The following CCDC97 variants were observed in gnomAD, a reference collection of about 807,000 sequenced individuals.
CCDC97 encodes coiled-coil domain-containing protein 97.
CCDC97 carries 27 observed loss-of-function variants against 33.9 expected under a neutral mutation model. The observed-to-expected ratio is 0.80, with a 90% confidence interval of 0.59 to 1.10. CCDC97 has a LOEUF of 1.10. Among genes scored for constraint, CCDC97 ranks in the 50% least tolerant of loss-of-function variants. The pLI is 0.00. For synonymous variants in CCDC97, 217 were observed against 194.0 expected, an observed-to-expected ratio of 1.12 and a Z score of -0.99; for missense variants, 422 against 476.6, an observed-to-expected ratio of 0.89 and a Z score of 1.07.
rs376499375 is a variant in CCDC97 at position 41,316,795 on chromosome 19, G to A, written c.458G>A (p.Arg153His). ...GCCCGGCCCCGCACCCTGCGTACCC[G>A]CCTGCGTAACCGGCGCTATGCTGCC... Reference protein sequence around the residue: ...GTARPRTLRTRLRNRRYAALR... With the variant: ...GTARPRTLRTHLRNRRYAALR... Residue 153 changes from arginine to histidine, a missense_variant, in exon 2 of 5, where the codon CGC becomes CAC. Coordinates refer to ENST00000269967, the MANE Select transcript of CCDC97 (RefSeq NM_052848.3). 111 of 1,601,280 alleles carry A rather than the reference G, an allele frequency of 6.9e-5. No individual in the cohort carries two copies. The highest frequency in any genetic ancestry group is 5.0e-4 in the Middle Eastern group (3 of 6,046).
chr19:41,310,342 A>C lies in CCDC97; in HGVS notation c.32A>C (p.Lys11Thr), dbSNP rs1203465424. The C allele has an allele frequency of 6.2e-7, 1 of 1,606,728 alleles. No individual in the cohort carries two copies. The highest frequency in any genetic ancestry group is 8.5e-7 in the Non-Finnish European group (1 of 1,177,136). The change falls in exon 1 of 5, where the codon AAG becomes ACG. Residue 11 changes from lysine (K) to threonine (T), a missense_variant. Transcript: ENST00000269967. ...GCCGTGGCGACGGCGACGGCGGCGA[A>C]GGAACCCGATAAGGGTGAGATCTTG... MEAVATATAA[K>T]EPDKGCIEPG...
intron 1 of CCDC97, among the ~76,000 whole-genome samples, chr19:41,313,769 G>A (rs923707570): frequency 3.3e-5 from 5 of 151,844 alleles, no homozygotes; most frequent in Non-Finnish European, 4.4e-5. Flanking sequence ...GGCTGATCTC[G>A]GCTCACTGCA....
intron 1 of CCDC97, among the ~76,000 whole-genome samples, chr19:41,314,996 T>A (rs1043563861): frequency 5.5e-5 from 8 of 146,360 alleles, no homozygotes; most frequent in Non-Finnish European, 9.1e-5. Context: ...TTTTTTTTTT[T>A]AATTTAAAGA....
At chr19:41,319,553 C>T (rs2037791902) in intron 2 of CCDC97, 21 bp from the exon 3 acceptor site, 1 of 1,555,638 alleles carries the variant, frequency 6.4e-7, no homozygotes, top group African/African-American at 1.4e-5. Context: ...CCCATGCCCA[C>T]CCTGTCTCTC....
rs144892042 is a variant in CCDC97, at chr19:41,313,350, A to C, written c.46+2994A>C. ...GGAGTCTGGAGGCCCGTGTAGCAGCAGTCGGACCATTCCCCTGGATGCCTC... is the reference window on the plus strand; with the variant it reads ...GGAGTCTGGAGGCCCGTGTAGCAGCCGTCGGACCATTCCCCTGGATGCCTC... On this transcript the variant is annotated intron_variant, in intron 1 of 4. Coordinates refer to ENST00000269967, the MANE Select transcript of CCDC97 (RefSeq NM_052848.3). Among the ~76,000 whole-genome samples the C allele has an allele frequency of 2.9e-3, 447 of 152,228 alleles. 1 individual carries two copies. The highest frequency in any genetic ancestry group is 0.01 in the African/African-American group (430 of 41,534).
rs538176442 is a variant in CCDC97 at position 41,324,751 on chromosome 19, C to T, written c.*2036C>T. 1 of 152,280 alleles carries T rather than the reference C, an allele frequency of 6.6e-6. No homozygotes were observed. Among genetic ancestry groups the T allele is most frequent in the South Asian group, 2.1e-4 (1 of 4,830 alleles). The allele number at this position is 152,280 out of a possible 1,614,324, so 9.4% of individuals were successfully genotyped here. On this transcript the variant is annotated 3_prime_UTR_variant, in exon 5 of 5. Coordinates refer to ENST00000269967, the MANE Select transcript of CCDC97 (RefSeq NM_052848.3). ...ATGAGAGCTGTCTGTCTCTTACCTG[C>T]CTGTATTTGTGCCCCATTTTTAAAG...
intron 2 of CCDC97, 149 bp downstream of exon 2, chr19:41,316,988 A>G: frequency 1.5e-6 from 1 of 654,232 alleles, no homozygotes; most frequent in Non-Finnish European, 2.6e-6. Flanking sequence ...GAAGAGACTG[A>G]GACAGAAATG....
chr19:41,316,508 G>C lies in CCDC97; in HGVS notation c.171G>C (p.Gly57=). 1 of 1,614,232 alleles carries C rather than the reference G, an allele frequency of 6.2e-7. No individual in the cohort carries two copies. The highest frequency in any genetic ancestry group is 8.5e-7 in the Non-Finnish European group (1 of 1,180,044). The change falls in exon 2 of 5, where the codon GGG becomes GGC. Residue 57 remains glycine (G), a synonymous_variant. Transcript: ENST00000269967. ...TPVALDSDTS[G]AENAAVSAML... ...TGGCCCTGGACAGTGACACCTCCGG[G>C]GCTGAAAATGCAGCAGTGAGTGCTA...
chr19:41,316,991 CAG>C (rs1295173215), intron 2 of CCDC97, 152 bp downstream of exon 2: 1 of 645,454 alleles, frequency 1.5e-6, no homozygotes, highest in Admixed American at 3.0e-5. Context: ...GAGACTGAGA[CAG>C]AAATGTAAAG....
intron 1 of CCDC97, among the ~76,000 whole-genome samples, chr19:41,314,145 GTT>G (rs938561916): frequency 6.7e-6 from 1 of 148,450 alleles, no homozygotes; most frequent in African/African-American, 2.5e-5. Context: ...GAGATTTAGT[GTT>G]TTTTTTTCTT....
At chr19:41,310,940 T>G in intron 1 of CCDC97, 19 of 913,242 alleles carry the variant, frequency 2.1e-5, no homozygotes, top group Non-Finnish European at 2.4e-5. Flanking sequence ...GAGGTGTGAT[T>G]GGAAGCGTGG....
At chr19:41,322,498 G>A (rs940651080) in intron 4 of CCDC97, 97 bp from the exon 5 acceptor site, 39 of 1,376,320 alleles carry the variant, frequency 2.8e-5, no homozygotes, top group East Asian at 4.7e-5. Context: ...ACGGCTGCCA[G>A]CACATGGCCT....
chr19:41,321,465 T>C (rs1197170938), intron 4 of CCDC97, among the ~76,000 whole-genome samples: 2 of 152,232 alleles, frequency 1.3e-5, no homozygotes, highest in Non-Finnish European at 2.9e-5. Flanking sequence ...CATCCGTGCA[T>C]TCAGTTGGCA....
chr19:41,321,925 C>T (rs1038927047), intron 4 of CCDC97, among the ~76,000 whole-genome samples: 1 of 152,232 alleles, frequency 6.6e-6, no homozygotes, highest in Admixed American at 6.5e-5. Flanking sequence ...CTGGCTAATC[C>T]CGGCCTCTAT....
At chr19:41,312,194 G>A (rs576305053) in intron 1 of CCDC97, among the ~76,000 whole-genome samples, 3 of 151,958 alleles carry the variant, frequency 2.0e-5, no homozygotes, top group African/African-American at 7.3e-5. Flanking sequence ...AGTGATTCCC[G>A]TGCCTCAGCC....
In CCDC97 at chr19:41,323,233, TGCGCTGTGTCTCACACTCAGA is replaced by T. The variant is rs1249518936; in HGVS notation, c.*521_*541del. On this transcript the variant is annotated 3_prime_UTR_variant, in exon 5 of 5. Transcript: ENST00000269967. ...CTGTCTCCCCCTCTCTGTTTATGTCTGCGCTGTGTCTCACACTCAGAGCCTCCTTGCTTCTGTTAGGTTCCC... is the reference window on the plus strand; with the variant it reads ...CTGTCTCCCCCTCTCTGTTTATGTCTGCCTCCTTGCTTCTGTTAGGTTCCC... The T allele has an allele frequency of 6.4e-6, 1 of 156,542 alleles. No individual in the cohort carries two copies. Among genetic ancestry groups the T allele is most frequent in the African/African-American group, 2.4e-5 (1 of 41,480 alleles). The allele number at this position is 156,542 out of a possible 1,614,324, so 9.7% of individuals were successfully genotyped here. A position where few individuals can be genotyped will look rare whatever the true frequency, so the allele number is the denominator to read the frequency against.
chr19:41,320,306 C>T (rs1205734963), intron 3 of CCDC97, 35 bp from the exon 4 acceptor site: 1 of 1,611,866 alleles, frequency 6.2e-7, no homozygotes, highest in Non-Finnish European at 8.5e-7. Flanking sequence ...CCCGAGTGCA[C>T]CCGCATTCAC....
chr19:41,311,537 A>C (rs2037684538), intron 1 of CCDC97, among the ~76,000 whole-genome samples: 1 of 152,162 alleles, frequency 6.6e-6, no homozygotes, highest in Non-Finnish European at 1.5e-5. Flanking sequence ...GTTGGAGACC[A>C]GCCTAGCCAA....
chr19:41,318,970 G>A (rs1599875279), intron 2 of CCDC97, among the ~76,000 whole-genome samples: 1 of 152,188 alleles, frequency 6.6e-6, no homozygotes, highest in South Asian at 2.1e-4. Flanking sequence ...ACAACCTAGA[G>A]ACACACAACT....
Sources: gnomAD v4.1 joint callset for allele counts (sites outside exome capture counted in the v4.1 genomes callset) on GRCh38, gnomAD v4.1.1 for gene constraint, MANE v1.5 for transcripts, NCBI Gene and HGNC (gene_info 2026-07-23, HGNC 2026-07-21) for gene names.